Variants in CCDC102B observed in about 807,000 individuals in gnomAD.
CCDC102B encodes the protein coiled-coil domain containing 102B.
In CCDC102B, 75 loss-of-function variants were observed where a neutral mutation model predicts 57.4. The ratio of observed to expected loss-of-function variants is 1.31; its 90% CI spans 1.08 to 1.58. The LOEUF (loss-of-function observed/expected upper bound fraction) is 1.58. Among genes scored for constraint, CCDC102B ranks in the 40% most tolerant of loss-of-function variants. The probability of loss-of-function intolerance (pLI) is 0.00; values close to 1 mark genes in which losing one functional copy is unlikely to be tolerated. For missense variants in CCDC102B, 636 were observed against 582.6 expected, an observed-to-expected ratio of 1.09 and a Z score of -0.94; for synonymous variants, 206 against 201.9, an observed-to-expected ratio of 1.02 and a Z score of -0.17.
intron 6 of CCDC102B, among the ~76,000 whole-genome samples, chr18:68,949,329 T>A (rs2049629894): frequency 1.3e-5 from 2 of 152,146 alleles, no homozygotes; most frequent in Non-Finnish European, 2.9e-5. Context: ...GGAAAATAAC[T>A]GCTGTGCCTT....
intron 2 of CCDC102B, among the ~76,000 whole-genome samples, chr18:68,732,906 A>G (rs928390070): frequency 1.3e-5 from 2 of 152,140 alleles, no homozygotes; most frequent in Admixed American, 6.5e-5. Context: ...GCTCCCTTCC[A>G]GATTCCTGGG....
chr18:68,769,711 A>C (rs1225435399), intron 2 of CCDC102B, among the ~76,000 whole-genome samples: 3 of 152,184 alleles, frequency 2.0e-5, no homozygotes, highest in African/African-American at 7.2e-5. Context: ...ACCAAAAAAA[A>C]AAGCAAGATC....
intron 7 of CCDC102B, among the ~76,000 whole-genome samples, chr18:69,037,393 A>G (rs1257335134): frequency 6.6e-6 from 1 of 152,086 alleles, no homozygotes; most frequent in African/African-American, 2.4e-5. Flanking sequence ...TAGCTTTATA[A>G]GTTCAAGGAT....
chr18:68,987,801 CCTAATCA>C (rs1315528856), intron 6 of CCDC102B, among the ~76,000 whole-genome samples: 11 of 152,140 alleles, frequency 7.2e-5, no homozygotes, highest in African/African-American at 1.9e-4. Context: ...AAAAAATGCT[CCTAATCA>C]CTAATCATCA....
chr18:68,882,379 A>G (rs1176713392), intron 5 of CCDC102B, among the ~76,000 whole-genome samples: 2 of 152,200 alleles, frequency 1.3e-5, no homozygotes, highest in Non-Finnish European at 2.9e-5. Context: ...AAAAGAAATG[A>G]GCAAAGCCAG....
At chr18:68,754,262 G>A (rs1189733169) in intron 2 of CCDC102B, 1 of 152,038 alleles carries the variant, frequency 6.6e-6, no homozygotes, top group Non-Finnish European at 1.5e-5. Flanking sequence ...ACATCCAGTA[G>A]ATTAAAAAAA....
At chr18:69,010,098 A>ATT (rs71717825) in intron 6 of CCDC102B, among the ~76,000 whole-genome samples, 2 of 54,950 alleles carry the variant, frequency 3.6e-5, no homozygotes, top group East Asian at 4.9e-4. Context: ...TGCCCGGCTA[A>ATT]TTTTTTTTTT....
intron 6 of CCDC102B, among the ~76,000 whole-genome samples, chr18:68,950,332 A>T (rs2049660846): frequency 6.6e-6 from 1 of 152,160 alleles, no homozygotes; most frequent in Non-Finnish European, 1.5e-5. Flanking sequence ...ATCTACAGGC[A>T]TTCAATATTT....
At chr18:69,049,627 A>G (rs1217207243) in intron 7 of CCDC102B, among the ~76,000 whole-genome samples, 2 of 152,152 alleles carry the variant, frequency 1.3e-5, no homozygotes, top group Non-Finnish European at 2.9e-5. Context: ...CCAAGAAGAA[A>G]ACAACCTGGC....
At chr18:68,994,275 T>C (rs1039804093) in intron 6 of CCDC102B, among the ~76,000 whole-genome samples, 2 of 152,238 alleles carry the variant, frequency 1.3e-5, no homozygotes, top group Non-Finnish European at 2.9e-5. Context: ...TTGTGAAGTA[T>C]ACAGTGAAGT....
At chr18:69,033,472 A>G (rs1216114186) in intron 7 of CCDC102B, among the ~76,000 whole-genome samples, 1 of 152,110 alleles carries the variant, frequency 6.6e-6, no homozygotes, top group Non-Finnish European at 1.5e-5. Flanking sequence ...GTTCTTGCCA[A>G]CTGTGAATCT....
intron 6 of CCDC102B, among the ~76,000 whole-genome samples, chr18:68,931,312 A>G (rs571807798): frequency 6.6e-6 from 1 of 152,110 alleles, no homozygotes; most frequent in African/African-American, 2.4e-5. Context: ...ATTATTTAAG[A>G]TAAGCTAAAC....
upstream of CCDC102B, among the ~76,000 whole-genome samples, chr18:68,797,235 C>T (rs1319293190): frequency 6.6e-6 from 1 of 152,024 alleles, no homozygotes; most frequent in African/African-American, 2.4e-5. Flanking sequence ...AATAAGCCTA[C>T]AAATTAGGGA....
intron 2 of CCDC102B, among the ~76,000 whole-genome samples, chr18:68,758,945 A>G (rs1453370218): frequency 1.3e-5 from 2 of 151,698 alleles, no homozygotes; most frequent in Non-Finnish European, 2.9e-5. Flanking sequence ...ACCTAAAAAA[A>G]AAAACCTCAA....
At chr18:69,001,474 G>T (rs1048302452) in intron 6 of CCDC102B, among the ~76,000 whole-genome samples, 4 of 123,986 alleles carry the variant, frequency 3.2e-5, no homozygotes, top group Non-Finnish European at 7.0e-5. Flanking sequence ...AGAAAAATGG[G>T]TTTTATTGGA....
intron 4 of CCDC102B, among the ~76,000 whole-genome samples, chr18:68,873,204 T>G (rs17079814): frequency 0.17 from 25,913 of 152,034 alleles, 2,259 homozygotes; most frequent in Admixed American, 0.19. Flanking sequence ...ATTCAGACTT[T>G]CAAATAACTC....
At chr18:69,045,414 T>C (rs1349292813) in intron 7 of CCDC102B, among the ~76,000 whole-genome samples, 1 of 152,132 alleles carries the variant, frequency 6.6e-6, no homozygotes, top group African/African-American at 2.4e-5. Flanking sequence ...AAATGTATTA[T>C]AACTATGTTC....
intron 1 of CCDC102B, among the ~76,000 whole-genome samples, chr18:68,833,244 G>C (rs1388934099): frequency 3.9e-5 from 6 of 152,030 alleles, no homozygotes; most frequent in Admixed American, 2.6e-4. Context: ...CTAAGCCCTA[G>C]TTTCTTTATC....
intron 2 of CCDC102B, among the ~76,000 whole-genome samples, chr18:68,774,708 A>T (rs947095216): frequency 2.0e-5 from 3 of 152,088 alleles, no homozygotes; most frequent in Admixed American, 6.6e-5. Context: ...GTTTCATTTT[A>T]GAATTTTAGA....
Sources: gnomAD v4.1 joint callset for allele counts (sites outside exome capture counted in the v4.1 genomes callset) on GRCh38, gnomAD v4.1.1 for gene constraint, MANE v1.5 for transcripts, NCBI Gene and HGNC (gene_info 2026-07-23, HGNC 2026-07-21) for gene names.